The following ARID2 variants were observed in gnomAD, a reference collection of about 807,000 sequenced individuals.
ARID2 encodes the protein AT-rich interaction domain 2.
A neutral mutation model predicts 184.6 loss-of-function variants in ARID2; 32 were observed. The ratio of observed to expected loss-of-function variants is 0.17; its 90% CI spans 0.13 to 0.23. ARID2 has a LOEUF of 0.23. ARID2 is among the 10% of genes least tolerant of loss of function. The probability of loss-of-function intolerance (pLI) is 1.00; values close to 1 mark genes in which losing one functional copy is unlikely to be tolerated. For synonymous variants in ARID2, 836 were observed against 772.6 expected, an observed-to-expected ratio of 1.08 and a Z score of -1.36; for missense variants, 1,696 against 2,197.6, an observed-to-expected ratio of 0.77 and a Z score of 4.56.
chr12:45,847,578 TAAATTCTTTAGAAG>T (rs1943466209), intron 12 of ARID2, among the ~76,000 whole-genome samples: 1 of 152,110 alleles, frequency 6.6e-6, no homozygotes, highest in Non-Finnish European at 1.5e-5. Flanking sequence ...AAGTTCGGCT[TAAATTCTTTAGAAG>T]ATTAACAGAT....
At chr12:45,895,150 TG>T (rs1158512944) in intron 20 of ARID2, among the ~76,000 whole-genome samples, 4 of 152,224 alleles carry the variant, frequency 2.6e-5, no homozygotes, top group Admixed American at 6.5e-5. Context: ...GTTTTGAAAA[TG>T]TTTTTTTATG....
At chr12:45,899,230 C>T (rs997660511) in intron 20 of ARID2, among the ~76,000 whole-genome samples, 2 of 141,608 alleles carry the variant, frequency 1.4e-5, no homozygotes, top group Admixed American at 7.2e-5. Flanking sequence ...CAAGATCACA[C>T]CACTGCATTC....
At chr12:45,741,872 C>G (rs1941265496) in intron 3 of ARID2, among the ~76,000 whole-genome samples, 1 of 152,104 alleles carries the variant, frequency 6.6e-6, no homozygotes, top group Admixed American at 6.5e-5. Flanking sequence ...TTTTAGAGAA[C>G]AGAACTGGGG....
chr12:45,774,635 G>A (rs1248087021), intron 3 of ARID2, among the ~76,000 whole-genome samples: 2 of 152,124 alleles, frequency 1.3e-5, no homozygotes, highest in East Asian at 1.9e-4. Flanking sequence ...GCACTGGTGG[G>A]ACTCTAAGAG....
At chr12:45,828,867 C>T (rs769580650) in intron 6 of ARID2, among the ~76,000 whole-genome samples, 1 of 151,690 alleles carries the variant, frequency 6.6e-6, no homozygotes, top group African/African-American at 2.4e-5. Flanking sequence ...AATATTTTCT[C>T]TCTAGCTTGC....
At chr12:45,810,275 A>G (rs1014891113) in intron 3 of ARID2, among the ~76,000 whole-genome samples, 4 of 152,206 alleles carry the variant, frequency 2.6e-5, no homozygotes, top group Non-Finnish European at 4.4e-5. Flanking sequence ...AAACTGGTAG[A>G]TGATGAGGTA....
intron 3 of ARID2, among the ~76,000 whole-genome samples, chr12:45,802,857 G>A (rs1056700112): frequency 2.0e-4 from 30 of 152,176 alleles, no homozygotes; most frequent in Admixed American, 7.8e-4. Context: ...TGGCATTGCC[G>A]ACTTTCAACT....
chr12:45,804,250 G>T (rs762212723), intron 3 of ARID2, among the ~76,000 whole-genome samples: 20 of 152,078 alleles, frequency 1.3e-4, no homozygotes, highest in African/African-American at 3.9e-4. Context: ...AGTATTCTGA[G>T]ATTCTTCATT....
At chr12:45,897,970 G>A (rs1044935271) in intron 20 of ARID2, among the ~76,000 whole-genome samples, 3 of 151,686 alleles carry the variant, frequency 2.0e-5, no homozygotes, top group Admixed American at 1.3e-4. Flanking sequence ...CTCAGTTTTT[G>A]TGTTTTTAGT....
At chr12:45,888,583 C>G (rs1169796805) in intron 16 of ARID2, among the ~76,000 whole-genome samples, 1 of 152,206 alleles carries the variant, frequency 6.6e-6, no homozygotes, top group Non-Finnish European at 1.5e-5. Context: ...AGTACCTCCA[C>G]TACCCCTTAC....
chr12:45,871,416 A>C (rs991372205), intron 16 of ARID2, among the ~76,000 whole-genome samples: 3 of 152,144 alleles, frequency 2.0e-5, no homozygotes, highest in South Asian at 2.1e-4. Flanking sequence ...GGATTACTTC[A>C]ATTTTTGCTT....
intron 10 of ARID2, 64 bp from the exon 11 acceptor site, chr12:45,839,265 C>T (rs529911098): frequency 2.1e-6 from 3 of 1,407,982 alleles, no homozygotes; most frequent in Admixed American, 4.2e-5. Context: ...AACATGTGTT[C>T]ACCAGTGATG....
chr12:45,852,068 G>C lies in ARID2; in HGVS notation c.3945G>C (p.Glu1315Asp), dbSNP rs138825597. ...PPSNSGKIQS[E>D]TNQCSLISNG... Reference sequence around the variant, plus strand: ...CAAACTCAGGGAAAATTCAAAGTGAGACTAATCAGTGCTCACTAATCAGTA... The same window carrying C: ...CAAACTCAGGGAAAATTCAAAGTGACACTAATCAGTGCTCACTAATCAGTA... The change falls in exon 15 of 21, where the codon GAG (glutamate) becomes GAC (aspartate). Residue 1315 changes from glutamate to aspartate, a missense_variant. By Grantham distance (45) the Glu-to-Asp change is conservative. This residue lies in a region of ARID2 where 428 missense variants were observed against 409.1 expected (regional missense o/e 1.05). Coordinates refer to ENST00000334344, the MANE Select transcript of ARID2 (RefSeq NM_152641.4). 1.4e-5 allele frequency: 22 copies of C among 1,613,968 alleles called. No homozygotes were observed. The highest frequency in any genetic ancestry group is 1.9e-5 in the Non-Finnish European group (22 of 1,180,002).
intron 11 of ARID2, among the ~76,000 whole-genome samples, chr12:45,845,720 A>G (rs1430674117): frequency 7.2e-5 from 11 of 152,178 alleles, no homozygotes; most frequent in Non-Finnish European, 1.5e-4. Flanking sequence ...ATTTGGCTGT[A>G]CTATGGAGCT....
At position 45,850,369 on chromosome 12, in the gene ARID2, C is replaced by T. The variant is rs138384363; in HGVS notation, c.2246C>T (p.Thr749Ile). Residue 749 changes from threonine (T) to isoleucine (I), a missense_variant, in exon 15 of 21, where the codon ACA (threonine) becomes ATA (isoleucine). Thr to Ile is a moderately conservative substitution (Grantham distance 89). Coordinates refer to ENST00000334344, the MANE Select transcript of ARID2 (RefSeq NM_152641.4). ...AGTTCTGTTGTTCAGAATCATAGTA[C>T]AGGGCCACAACCTGTTACAGTTGTG... ...PQSSVVQNHS[T>I]GPQPVTVVNS... is the part of the protein sequence containing the mutation. 556 of 1,614,086 alleles carry T rather than the reference C, an allele frequency of 3.4e-4. No individual in the cohort carries two copies. The highest frequency in any genetic ancestry group is 5.5e-4 in the Admixed American group (33 of 60,010).
intron 3 of ARID2, among the ~76,000 whole-genome samples, chr12:45,799,669 A>G (rs921152495): frequency 2.0e-5 from 3 of 152,218 alleles, no homozygotes; most frequent in Admixed American, 6.5e-5. Context: ...ATGCCAGATG[A>G]CAAAATAAGA....
chr12:45,738,779 C>CTTTTTTTTTTTTTTTT (rs11333868), intron 3 of ARID2, among the ~76,000 whole-genome samples: 1 of 62,304 alleles, frequency 1.6e-5, no homozygotes, highest in Non-Finnish European at 2.6e-5. Flanking sequence ...ATATGGGCTA[C>CTTTTTTTTTTTTTTTT]TTTTTTTTTT....
At chr12:45,885,845 A>G (rs1347059954) in intron 16 of ARID2, among the ~76,000 whole-genome samples, 6 of 152,220 alleles carry the variant, frequency 3.9e-5, no homozygotes, top group African/African-American at 1.4e-4. Context: ...GGGTAACCCC[A>G]TGATTCAGTT....
At chr12:45,786,004 A>G (rs1027755037) in intron 3 of ARID2, among the ~76,000 whole-genome samples, 5 of 152,194 alleles carry the variant, frequency 3.3e-5, no homozygotes, top group African/African-American at 4.8e-5. Flanking sequence ...GATGTAGGCT[A>G]TAGAGAGGGT....
Sources: allele counts gnomAD v4.1 joint callset (sites outside exome capture counted in the v4.1 genomes callset), GRCh38; gene constraint gnomAD v4.1.1; regional missense constraint gnomAD v4.1.1; transcripts MANE v1.5; gene names NCBI Gene and HGNC (gene_info 2026-07-23, HGNC 2026-07-21).